GSK3B: variants seen among roughly 807,000 people sequenced by gnomAD.
The protein encoded by GSK3B is glycogen synthase kinase-3 beta.
GSK3B carries 15 observed loss-of-function variants against 56.4 expected under a neutral mutation model. The observed-to-expected ratio is 0.27, with a 90% confidence interval of 0.18 to 0.41. The LOEUF is 0.41. GSK3B is among the 10% of genes least tolerant of loss of function. The pLI is 1.00. For missense variants in GSK3B, 300 were observed against 513.4 expected (o/e 0.58, Z 4.02); for synonymous variants, 181 against 188.9 (o/e 0.96, Z 0.34).
chr3:120,060,052 G>C (rs2058223715), intron 1 of GSK3B, among the ~76,000 whole-genome samples: 4 of 152,096 alleles, frequency 2.6e-5, no homozygotes, highest in Admixed American at 2.6e-4. Context: ...AACTACACAG[G>C]CATTACCCTG....
At chr3:119,934,094 T>C (rs1452254974) in intron 3 of GSK3B, among the ~76,000 whole-genome samples, 1 of 152,230 alleles carries the variant, frequency 6.6e-6, no homozygotes, top group Non-Finnish European at 1.5e-5. Context: ...TTTGTGTAGC[T>C]ACTCCACCAT....
intron 3 of GSK3B, among the ~76,000 whole-genome samples, chr3:119,928,247 T>G (rs771856556): frequency 3.9e-5 from 6 of 152,220 alleles, no homozygotes; most frequent in African/African-American, 9.7e-5. Context: ...TTGCACTTTT[T>G]ACTGGCTAAA....
chr3:120,050,301 C>T (rs1439417168), intron 1 of GSK3B, among the ~76,000 whole-genome samples: 1 of 152,232 alleles, frequency 6.6e-6, no homozygotes, highest in African/African-American at 2.4e-5. Context: ...AACACTGCCA[C>T]ATTGATGATC....
chr3:119,896,834 C>T (rs2056573129), intron 7 of GSK3B, among the ~76,000 whole-genome samples: 1 of 152,126 alleles, frequency 6.6e-6, no homozygotes, highest in Admixed American at 6.6e-5. Context: ...CCTTCATATA[C>T]TTTATAGATT....
At chr3:119,927,154 T>C (rs2056896238) in intron 3 of GSK3B, among the ~76,000 whole-genome samples, 1 of 152,224 alleles carries the variant, frequency 6.6e-6, no homozygotes, top group Admixed American at 6.5e-5. Flanking sequence ...TTAAAAAATG[T>C]AGTATTACAT....
Position 119,822,032 on chromosome 3 carries a change from A to G in GSK3B, c.*4756T>C. On this transcript the variant is annotated 3_prime_UTR_variant, in exon 11 of 11. Transcript: ENST00000264235. ...CAGTTAACTATTTCCAAACCAAGTC[A>G]CATAGAACAAAATGTATTTACAAGG... 5.1e-6 allele frequency: 1 copy of G among 194,988 alleles called. No individual in the cohort carries two copies. The highest frequency in any genetic ancestry group is 1.7e-3 in the Middle Eastern group (1 of 596). The allele number at this position is 194,988 out of a possible 1,614,324, so 12.1% of individuals were successfully genotyped here. A position where few individuals can be genotyped will look rare whatever the true frequency, so the allele number is the denominator to read the frequency against.
intron 8 of GSK3B, among the ~76,000 whole-genome samples, chr3:119,872,312 A>G (rs2056259221): frequency 6.6e-6 from 1 of 152,194 alleles, no homozygotes; most frequent in Admixed American, 6.6e-5. Context: ...GAAAAGATCA[A>G]GAACAGAGTG....
At chr3:119,916,756 T>C (rs2056785549) in intron 4 of GSK3B, among the ~76,000 whole-genome samples, 1 of 152,224 alleles carries the variant, frequency 6.6e-6, no homozygotes, top group Non-Finnish European at 1.5e-5. Flanking sequence ...AAGACATCAA[T>C]AACCCTGTTA....
intron 3 of GSK3B, among the ~76,000 whole-genome samples, chr3:119,925,622 A>G (rs948425387): frequency 6.6e-6 from 1 of 152,142 alleles, no homozygotes; most frequent in Non-Finnish European, 1.5e-5. Context: ...ATTGCTCCAG[A>G]ATTTTTTTTG....
chr3:119,981,576 G>A lies in GSK3B; in HGVS notation c.282+20470C>T, dbSNP rs549408258. On this transcript the variant is annotated intron_variant, in intron 2 of 10. Transcript: ENST00000264235. The stretch of plus-strand genomic sequence containing the variant: ...CTGGCTCGGCGGGTCCCACGCCCAC[G>A]GAGCCTTGCTCACTGCTAGCGCAGT... 2.1e-4 allele frequency among the ~76,000 whole-genome samples: 32 copies of A among 152,356 alleles called. No individual in the cohort carries two copies. The South Asian group carries it at 5.6e-3, about 27-fold the overall frequency.
At chr3:120,033,266 G>T (rs539946219) in intron 1 of GSK3B, among the ~76,000 whole-genome samples, 1 of 152,220 alleles carries the variant, frequency 6.6e-6, no homozygotes, top group South Asian at 2.1e-4. Context: ...TGTTTGGGTT[G>T]TTTTTCTACT....
intron 1 of GSK3B, among the ~76,000 whole-genome samples, chr3:120,064,122 T>C (rs1304107381): frequency 1.3e-5 from 2 of 151,822 alleles, no homozygotes; most frequent in African/African-American, 2.4e-5. Flanking sequence ...AATACTAATA[T>C]ATATGTATAA....
intron 1 of GSK3B, among the ~76,000 whole-genome samples, chr3:120,036,718 G>A (rs1160286144): frequency 6.6e-5 from 10 of 150,716 alleles, no homozygotes; most frequent in Non-Finnish European, 1.3e-4. Context: ...GCTTGAACCC[G>A]GGAGGCAGAA....
intron 9 of GSK3B, among the ~76,000 whole-genome samples, chr3:119,844,733 CAA>C (rs572187167): frequency 0.034 from 5,222 of 152,234 alleles, 320 homozygotes; most frequent in African/African-American, 0.12. Flanking sequence ...ACCAGAGGTA[CAA>C]AGAGGAGCTG....
At chr3:120,088,376 G>C (rs1304383580) in intron 1 of GSK3B, among the ~76,000 whole-genome samples, 1 of 152,100 alleles carries the variant, frequency 6.6e-6, no homozygotes, top group African/African-American at 2.4e-5. Flanking sequence ...AAATCTCAGG[G>C]AAAACAAACT....
chr3:120,004,753 C>A (rs1576264092), intron 1 of GSK3B, among the ~76,000 whole-genome samples: 1 of 152,186 alleles, frequency 6.6e-6, no homozygotes, highest in Admixed American at 6.5e-5. Context: ...ACATCCACAC[C>A]AAAACCCCAT....
At chr3:119,838,497 G>A (rs2055726529) in intron 10 of GSK3B, among the ~76,000 whole-genome samples, 1 of 152,094 alleles carries the variant, frequency 6.6e-6, no homozygotes, top group Non-Finnish European at 1.5e-5. Context: ...GTATATTTCT[G>A]TCTAGTCCCT....
intron 7 of GSK3B, among the ~76,000 whole-genome samples, chr3:119,903,060 T>G (rs1431424425): frequency 3.3e-5 from 5 of 152,074 alleles, no homozygotes; most frequent in Non-Finnish European, 7.4e-5. Flanking sequence ...CACACAACAC[T>G]CTTATGAAGT....
chr3:119,966,101 CAT>C, intron 2 of GSK3B, among the ~76,000 whole-genome samples: 1 of 152,226 alleles, frequency 6.6e-6, no homozygotes. Flanking sequence ...ACAGACTGTT[CAT>C]ATGTCTCCTT....
Sources: allele counts gnomAD v4.1 joint callset (sites outside exome capture counted in the v4.1 genomes callset), GRCh38; gene constraint gnomAD v4.1.1; transcripts MANE v1.5; gene names NCBI Gene and HGNC (gene_info 2026-07-23, HGNC 2026-07-21).